Variants in TCF20 observed in about 807,000 individuals in gnomAD.
The protein encoded by TCF20 is transcription factor 20, also known as SPRE-binding protein.
TCF20 carries 3 observed loss-of-function variants against 148.6 expected under a neutral mutation model. That is an observed-to-expected ratio of 0.02 (90% CI 0.01 to 0.05). TCF20 has a LOEUF of 0.05. TCF20 is among the 10% of genes least tolerant of loss of function. TCF20 has a pLI of 1.00. For synonymous variants in TCF20, 1,049 were observed against 909.5 expected, an observed-to-expected ratio of 1.15 and a Z score of -2.76; for missense variants, 2,350 against 2,429.3, an observed-to-expected ratio of 0.97 and a Z score of 0.69.
At chr22:42,343,435 G>A (rs1179661969) in intron 1 of TCF20, 1 of 151,602 alleles carries the variant, frequency 6.6e-6, no homozygotes, top group African/African-American at 2.4e-5. Context: ...CCAGGGGCTG[G>A]CGCCCACCCC....
At position 42,215,293 on chromosome 22, in the gene TCF20, G is replaced by C. The variant is rs1162522193; in HGVS notation, c.13C>G (p.Arg5Gly). Reference sequence around the variant, plus strand: ...TTTCCGTGGTAACTGCTTTGCTCCCGAAAGGACTGCATACTGTTCAGCAGC... The same window carrying C: ...TTTCCGTGGTAACTGCTTTGCTCCCCAAAGGACTGCATACTGTTCAGCAGC... The part of the protein sequence containing the change: MQSF[R>G]EQSSYHGNQQ... The change falls in exon 2 of 6, where the codon CGG (arginine) becomes GGG (glycine). Residue 5 changes from arginine to glycine, a missense_variant. Transcript: ENST00000677622. 2.5e-6 allele frequency: 4 copies of C among 1,613,330 alleles called. No homozygotes were observed. The highest frequency in any genetic ancestry group is 3.4e-6 in the Non-Finnish European group (4 of 1,179,630).
intron 1 of TCF20, among the ~76,000 whole-genome samples, chr22:42,261,640 A>C (rs1477551143): frequency 6.6e-6 from 1 of 152,176 alleles, no homozygotes; most frequent in Admixed American, 6.5e-5. Context: ...TTCATTCAAC[A>C]AATATCCTGA....
chr22:42,308,829 C>T (rs1927481078), intron 1 of TCF20, among the ~76,000 whole-genome samples: 2 of 152,142 alleles, frequency 1.3e-5, no homozygotes, highest in South Asian at 4.2e-4. Context: ...CTCCCTGTCG[C>T]TGGCCAGGTG....
rs1280385547 is a variant in TCF20, at chr22:42,317,729, T to G, written c.-37+25750A>C. The stretch of plus-strand genomic sequence containing the variant: ...GTGGGCCTTTCCCACGGTCCAGCAG[T>G]GGGGAGGGTGGAAGAAGGGAGCCGA... On this transcript the variant is annotated intron_variant, in intron 1 of 1. Coordinates refer to the TCF20 transcript ENST00000515426. This position sits in a 1 kb window ranked among gnomAD's most constrained non-coding sequence, Gnocchi z 4.2. 1.3e-5 allele frequency among the ~76,000 whole-genome samples: 2 copies of G among 151,770 alleles called. No homozygotes were observed. The highest frequency in any genetic ancestry group is 4.8e-5 in the African/African-American group (2 of 41,266).
At chr22:42,303,091 G>A (rs184877764) in intron 1 of TCF20, among the ~76,000 whole-genome samples, 205 of 152,274 alleles carry the variant, frequency 1.3e-3, no homozygotes, top group Middle Eastern at 3.4e-3. Context: ...CACAACGCTC[G>A]GATAATTTTT....
chr22:42,244,513 C>T (rs547661898), intron 1 of TCF20, among the ~76,000 whole-genome samples: 9 of 152,202 alleles, frequency 5.9e-5, no homozygotes, highest in African/African-American at 2.2e-4. Context: ...AAACACTACG[C>T]GCTAAGTGAA....
At chr22:42,198,832 T>G (rs1937773515) in intron 2 of TCF20, among the ~76,000 whole-genome samples, 1 of 152,088 alleles carries the variant, frequency 6.6e-6, no homozygotes, top group Non-Finnish European at 1.5e-5. Flanking sequence ...CAGCTAATTT[T>G]TTTTGTATTT....
At position 42,317,925 on chromosome 22, in the gene TCF20, C is replaced by T. The variant is rs1051242229; in HGVS notation, c.-37+25554G>A. Among the ~76,000 whole-genome samples, 2 of 152,218 alleles carry T rather than the reference C, an allele frequency of 1.3e-5. No homozygotes were observed. Among genetic ancestry groups the T allele is most frequent in the Non-Finnish European group, 2.9e-5 (2 of 68,018 alleles). On this transcript the variant is annotated intron_variant, in intron 1 of 1. Coordinates refer to the TCF20 transcript ENST00000515426. The surrounding 1 kb of genome is among the most constrained non-coding windows in gnomAD (Gnocchi z 4.2). ...TGGCTGCCTGCCGTGCATGCCTGTC[C>T]ATCCCCTGGCAGCCCCATTGGCCAC...
intron 2 of TCF20, among the ~76,000 whole-genome samples, chr22:42,206,128 G>C (rs1166919223): frequency 1.3e-5 from 2 of 152,174 alleles, no homozygotes; most frequent in South Asian, 2.1e-4. Context: ...GATTTAGCCT[G>C]ATTACTGATT....
At chr22:42,303,412 G>C (rs906859344) in intron 1 of TCF20, among the ~76,000 whole-genome samples, 1 of 152,388 alleles carries the variant, frequency 6.6e-6, no homozygotes, top group East Asian at 1.9e-4. Context: ...CATCCTAGTG[G>C]ACACTCCGAG....
chr22:42,285,674 T>C (rs1013345609), upstream of TCF20, among the ~76,000 whole-genome samples: 2 of 152,164 alleles, frequency 1.3e-5, no homozygotes, highest in Non-Finnish European at 1.5e-5. The surrounding 1 kb of genome is among the most constrained non-coding windows in gnomAD (Gnocchi z 4.2). Context: ...GGTCTCACTA[T>C]GTTGCCTAAG....
intron 1 of TCF20, among the ~76,000 whole-genome samples, chr22:42,322,176 A>T (rs537070007): frequency 6.6e-6 from 1 of 152,012 alleles, no homozygotes; most frequent in South Asian, 2.1e-4. Context: ...CAAAACAGGC[A>T]GTGGCACTTA....
intron 1 of TCF20, among the ~76,000 whole-genome samples, chr22:42,258,273 CT>C (rs1925849218): frequency 6.6e-6 from 1 of 152,046 alleles, no homozygotes; most frequent in Non-Finnish European, 1.5e-5. Flanking sequence ...CCTCCCCCCC[CT>C]TCCCTAGGCA....
intron 1 of TCF20, among the ~76,000 whole-genome samples, chr22:42,217,579 T>C (rs1353225207): frequency 6.6e-6 from 1 of 152,204 alleles, no homozygotes; most frequent in East Asian, 1.9e-4. Context: ...CCGGAGTCTG[T>C]GTGAATGATT....
intron 1 of TCF20, among the ~76,000 whole-genome samples, chr22:42,341,647 G>T (rs1048384842): frequency 6.6e-6 from 1 of 152,104 alleles, no homozygotes; most frequent in Admixed American, 6.5e-5. Flanking sequence ...GGACCCTTCC[G>T]CTTCTGCCAG....
chr22:42,220,339 A>C (rs1253942225), intron 1 of TCF20, among the ~76,000 whole-genome samples: 1 of 152,060 alleles, frequency 6.6e-6, no homozygotes, highest in Non-Finnish European at 1.5e-5. Context: ...ATTTTTAAAA[A>C]ATAATTGGGA....
intron 1 of TCF20, among the ~76,000 whole-genome samples, chr22:42,257,006 T>G (rs778435096): frequency 1.6e-4 from 25 of 151,848 alleles, no homozygotes; most frequent in Non-Finnish European, 3.5e-4. Flanking sequence ...CAAAAGAAAA[T>G]AAAATTAGCA....
chr22:42,312,626 G>A (rs1477204815), intron 1 of TCF20, among the ~76,000 whole-genome samples: 1 of 152,100 alleles, frequency 6.6e-6, no homozygotes, highest in Non-Finnish European at 1.5e-5. Context: ...GGTGTGGAGT[G>A]GGCTGTGGGG....
chr22:42,272,019 T>C (rs114720931), upstream of TCF20, among the ~76,000 whole-genome samples: 432 of 152,288 alleles, frequency 2.8e-3, 1 homozygote, highest in African/African-American at 0.01. Context: ...GAGCATGTAC[T>C]TGGGGAAGGC....
Sources: gnomAD v4.1 joint callset for allele counts (sites outside exome capture counted in the v4.1 genomes callset) on GRCh38, gnomAD v4.1.1 for gene constraint, Gnocchi (gnomAD v3.1) non-coding constraint, MANE v1.5 for transcripts, NCBI Gene and HGNC (gene_info 2026-07-23, HGNC 2026-07-21) for gene names.